The following ZMYND8 variants were observed in gnomAD, a reference collection of about 807,000 sequenced individuals.
ZMYND8 encodes MYND-type zinc finger-containing chromatin reader ZMYND8.
Under a neutral mutation model 140.8 loss-of-function variants are expected in ZMYND8, and 37 were observed. That is an observed-to-expected ratio of 0.26 (90% confidence interval 0.20 to 0.35). The LOEUF (loss-of-function observed/expected upper bound fraction) is 0.35. Among genes scored for constraint, ZMYND8 ranks in the 10% least tolerant of loss-of-function variants. The pLI is 1.00. For synonymous variants in ZMYND8, 592 were observed against 597.1 expected (o/e 0.99, Z 0.12); for missense variants, 1,068 against 1,570.0 (o/e 0.68, Z 5.40).
intron 17 of ZMYND8, among the ~76,000 whole-genome samples, chr20:47,229,450 C>G (rs1280441074): frequency 6.6e-6 from 1 of 152,166 alleles, no homozygotes; most frequent in Admixed American, 6.5e-5. Context: ...GCAAAAAGAA[C>G]TGGTGTCCAG....
chr20:47,310,270 G>A (rs2078821328), intron 2 of ZMYND8, 66 bp from the exon 3 acceptor site: 1 of 1,526,808 alleles, frequency 6.5e-7, no homozygotes, highest in African/African-American at 1.4e-5. Context: ...CAGGGAGGAG[G>A]TGTGGAGGAA....
Position 47,294,756 on chromosome 20 carries a change from G to A in ZMYND8, c.477C>T (p.Ile159=), listed in dbSNP as rs749752554. 7.4e-6 allele frequency: 12 copies of A among 1,613,980 alleles called. No homozygotes were observed. The highest frequency in any genetic ancestry group is 4.4e-5 in the South Asian group (4 of 91,084). Residue 159 remains isoleucine, a synonymous_variant, in exon 5 of 23, where the codon ATC becomes ATT. Coordinates refer to ENST00000471951, the MANE Select transcript of ZMYND8 (RefSeq NM_001281775.3). ...ECEKITVAEC[I]ETQSKAMTML... is the part of the protein sequence containing the mutation. ...TTGTCATGGCTTTACTCTGGGTCTC[G>A]ATGCATTCTGCTACTGTAATTTTCT...
intron 17 of ZMYND8, 49 bp from the exon 18 acceptor site, chr20:47,227,330 C>T (rs1469462885): frequency 1.3e-6 from 2 of 1,584,810 alleles, no homozygotes; most frequent in Admixed American, 3.3e-5. Flanking sequence ...ATGCAGTTCA[C>T]CAGGAGGGCT....
chr20:47,222,550 G>A (rs1443630677), intron 19 of ZMYND8, among the ~76,000 whole-genome samples: 1 of 151,820 alleles, frequency 6.6e-6, no homozygotes, highest in African/African-American at 2.4e-5. Context: ...AAAAAAAAAA[G>A]GAAAAGAAAA....
At chr20:47,343,586 A>G (rs1259848045) in intron 2 of ZMYND8, among the ~76,000 whole-genome samples, 3 of 152,154 alleles carry the variant, frequency 2.0e-5, no homozygotes, top group African/African-American at 7.2e-5. Context: ...ATCTTGGCTC[A>G]CTGCAACCTC....
chr20:47,329,295 G>C (rs570908205), intron 2 of ZMYND8, among the ~76,000 whole-genome samples: 1 of 152,202 alleles, frequency 6.6e-6, no homozygotes, highest in African/African-American at 2.4e-5. Flanking sequence ...CAATGTTCTC[G>C]ATCTGTTCTC....
At chr20:47,310,231 T>A in intron 2 of ZMYND8, 27 bp from the exon 3 acceptor site, 1 of 1,573,696 alleles carries the variant, frequency 6.4e-7, no homozygotes. Flanking sequence ...ACCACAGGTT[T>A]TAAAGCAGTC....
At chr20:47,211,403 T>C (rs1274569337) in intron 22 of ZMYND8, among the ~76,000 whole-genome samples, 2 of 152,168 alleles carry the variant, frequency 1.3e-5, no homozygotes, top group Non-Finnish European at 2.9e-5. Flanking sequence ...GAAAGGATCA[T>C]AAAGGAGAAG....
intron 2 of ZMYND8, among the ~76,000 whole-genome samples, chr20:47,337,856 T>C (rs964308126): frequency 6.6e-6 from 1 of 152,064 alleles, no homozygotes; most frequent in Non-Finnish European, 1.5e-5. Context: ...GCTGGCATAA[T>C]GGCAATGACT....
chr20:47,237,753 A>G (rs1351722556), intron 15 of ZMYND8: 2 of 152,130 alleles, frequency 1.3e-5, no homozygotes, highest in African/African-American at 2.4e-5. Context: ...CGCATTCACT[A>G]TGAGTTTCAG....
intron 10 of ZMYND8, among the ~76,000 whole-genome samples, chr20:47,277,785 C>T (rs1309179726): frequency 2.6e-5 from 4 of 152,066 alleles, no homozygotes; most frequent in Non-Finnish European, 4.4e-5. Context: ...ATTCTCCTGC[C>T]TCAGCTTCCC....
intron 2 of ZMYND8, among the ~76,000 whole-genome samples, chr20:47,335,267 G>T (rs1009815748): frequency 1.3e-5 from 2 of 151,986 alleles, no homozygotes; most frequent in Middle Eastern, 3.4e-3. Flanking sequence ...CAAAAAAAAA[G>T]GAGAATTGTA....
chr20:47,314,426 GAGGCAGA>G (rs2079209590), intron 2 of ZMYND8, among the ~76,000 whole-genome samples: 2 of 152,130 alleles, frequency 1.3e-5, no homozygotes, highest in Non-Finnish European at 2.9e-5. Flanking sequence ...TTGGCGCCAG[GAGGCAGA>G]GGTTGCAGTG....
At chr20:47,296,871 G>A (rs1442376512) in intron 4 of ZMYND8, among the ~76,000 whole-genome samples, 2 of 152,076 alleles carry the variant, frequency 1.3e-5, no homozygotes, top group South Asian at 2.1e-4. Flanking sequence ...TGGGAGGATC[G>A]CTTGAGCCCA....
At chr20:47,237,261 C>T (rs758590021) in intron 15 of ZMYND8, 2 of 151,904 alleles carry the variant, frequency 1.3e-5, no homozygotes, top group Non-Finnish European at 2.9e-5. Context: ...TCATGCCTCC[C>T]TCCTGAGTAG....
At chr20:47,325,841 T>C (rs1272535959) in intron 2 of ZMYND8, among the ~76,000 whole-genome samples, 1 of 152,072 alleles carries the variant, frequency 6.6e-6, no homozygotes, top group Non-Finnish European at 1.5e-5. Context: ...CAGGCTGGAG[T>C]GCAATGGCAC....
intron 3 of ZMYND8, among the ~76,000 whole-genome samples, chr20:47,305,334 AG>A (rs1287891966): frequency 5.3e-5 from 8 of 151,426 alleles, no homozygotes; most frequent in African/African-American, 1.9e-4. Context: ...ACAACCTCCG[AG>A]GTTGAAGCGA....
At chr20:47,314,906 G>T (rs1275179042) in intron 2 of ZMYND8, among the ~76,000 whole-genome samples, 1 of 152,180 alleles carries the variant, frequency 6.6e-6, no homozygotes, top group Non-Finnish European at 1.5e-5. Flanking sequence ...GACTAGACTA[G>T]AAGTTCTTGT....
In ZMYND8 at chr20:47,276,351, C is replaced by T. The variant is rs764861020; in HGVS notation, c.1443G>A (p.Ala481=). ...CCAGGAAGTCCATGGACTCCTCGCT[C>T]GCACTGAAGTGGCTCGACGTGGCCT... ...EKKATSSHFS[A]SEESMDFLDK... is the part of the protein sequence containing the mutation. Residue 481 remains alanine, a synonymous_variant, in exon 11 of 23, where the codon GCG becomes GCA. Transcript: ENST00000471951. 1.5e-4 allele frequency: 232 copies of T among 1,592,832 alleles called. 1 individual carries two copies. The highest frequency in any genetic ancestry group is 2.0e-4 in the Non-Finnish European group (229 of 1,165,114).
Sources: allele counts gnomAD v4.1 joint callset (sites outside exome capture counted in the v4.1 genomes callset), GRCh38; gene constraint gnomAD v4.1.1; transcripts MANE v1.5; gene names NCBI Gene and HGNC (gene_info 2026-07-23, HGNC 2026-07-21).